The following SHC4 variants were observed in gnomAD, a reference collection of about 807,000 sequenced individuals.
SHC4 encodes the protein SHC adaptor protein 4.
Under a neutral mutation model 69.4 loss-of-function variants are expected in SHC4, and 41 were observed. That is an observed-to-expected ratio of 0.59 (90% CI 0.46 to 0.77). SHC4 has a LOEUF of 0.77. Among genes scored for constraint, SHC4 ranks in the 30% least tolerant of loss-of-function variants. SHC4 has a pLI of 0.00. For missense variants in SHC4, 777 were observed against 783.8 expected, an observed-to-expected ratio of 0.99 and a Z score of 0.10; for synonymous variants, 318 against 299.3, an observed-to-expected ratio of 1.06 and a Z score of -0.64.
chr15:48,868,440 T>A (rs1024341541), intron 5 of SHC4, among the ~76,000 whole-genome samples: 6 of 151,748 alleles, frequency 4.0e-5, no homozygotes, highest in African/African-American at 1.2e-4. Flanking sequence ...AAAATCATTT[T>A]AAAAAAAAGA....
Position 48,962,832 on chromosome 15 carries a change from CG to C in SHC4, c.183del (p.Ala62ProfsTer25), listed in dbSNP as rs1443724041. The C allele has an allele frequency of 7.3e-7, 1 of 1,374,968 alleles. No individual in the cohort carries two copies. Among genetic ancestry groups the C allele is most frequent in the East Asian group, 3.0e-5 (1 of 33,200 alleles). The allele number at this position is 1,374,968 out of a possible 1,614,324, so 85.2% of individuals were successfully genotyped here. On this transcript the variant is annotated frameshift_variant, in exon 1 of 12. Coordinates refer to ENST00000332408, the MANE Select transcript of SHC4 (RefSeq NM_203349.4). LOFTEE classifies it high-confidence loss of function. ...GNKGSPQPPH[P>X]ALAPHLPTED... ...TCAGTCGGCAGGTGAGGTGCCAGGGCGGGGTGGGGAGGCTGCGGCGAGCCCT... is the reference window on the plus strand; with the variant it reads ...TCAGTCGGCAGGTGAGGTGCCAGGGCGGGTGGGGAGGCTGCGGCGAGCCCT...
At chr15:48,924,782 A>C in intron 2 of SHC4, 97 bp downstream of exon 2, 1 of 1,285,140 alleles carries the variant, frequency 7.8e-7, no homozygotes, top group Admixed American at 1.7e-5. Context: ...ATAAAAGTGC[A>C]TAATGAATTG....
At chr15:48,849,136 CT>C (rs1480470077) in intron 9 of SHC4, among the ~76,000 whole-genome samples, 2 of 152,144 alleles carry the variant, frequency 1.3e-5, no homozygotes, top group Non-Finnish European at 2.9e-5. Flanking sequence ...ATCTTTCTCT[CT>C]TTACTTCTGA....
At chr15:48,926,053 G>A (rs1900848140) in intron 1 of SHC4, among the ~76,000 whole-genome samples, 1 of 152,156 alleles carries the variant, frequency 6.6e-6, no homozygotes, top group South Asian at 2.1e-4. Context: ...TGATGAATTG[G>A]TTTGGGAGCT....
chr15:48,825,849 T>C lies in SHC4; in HGVS notation c.*122A>G, dbSNP rs1898678075. On this transcript the variant is annotated 3_prime_UTR_variant, in exon 12 of 12. Transcript: ENST00000332408. ...ATAGAGGACCTGGTCCATGATGGTC[T>C]TGGAAAGATGCACTTCACAGTTTGT... 8.1e-7 allele frequency: 1 copy of C among 1,228,698 alleles called. No homozygotes were observed. Among genetic ancestry groups the C allele is most frequent in the South Asian group, 1.6e-5 (1 of 64,034 alleles). The allele number at this position is 1,228,698 out of a possible 1,614,324, so 76.1% of individuals were successfully genotyped here.
At chr15:48,954,706 G>C (rs2141041258) in intron 1 of SHC4, among the ~76,000 whole-genome samples, 1 of 152,316 alleles carries the variant, frequency 6.6e-6, no homozygotes, top group Non-Finnish European at 1.5e-5. Context: ...CTGGCCGGGA[G>C]AAAGTATGCC....
At chr15:48,904,939 CA>C (rs1367662341) in intron 2 of SHC4, among the ~76,000 whole-genome samples, 2 of 117,262 alleles carry the variant, frequency 1.7e-5, no homozygotes, top group Non-Finnish European at 3.6e-5. Flanking sequence ...CACACAGACA[CA>C]ACACACACAC....
chr15:48,856,652 T>C (rs904379434), intron 7 of SHC4, among the ~76,000 whole-genome samples: 1 of 151,854 alleles, frequency 6.6e-6, no homozygotes, highest in Non-Finnish European at 1.5e-5. Flanking sequence ...ACAGAAATAT[T>C]AGAACCATAT....
intron 1 of SHC4, among the ~76,000 whole-genome samples, chr15:48,931,947 C>A (rs1439296910): frequency 6.6e-6 from 1 of 151,554 alleles, no homozygotes; most frequent in Non-Finnish European, 1.5e-5. Flanking sequence ...TCCATAAATG[C>A]AAACAGAAAC....
chr15:48,864,694 G>A (rs1022765377), intron 6 of SHC4, among the ~76,000 whole-genome samples: 6 of 151,836 alleles, frequency 4.0e-5, no homozygotes, highest in Admixed American at 6.6e-5. Flanking sequence ...TGATCTGCCC[G>A]CCTCGGCCTC....
chr15:48,880,251 G>A (rs1405638773), intron 4 of SHC4: 1 of 166,624 alleles, frequency 6.0e-6, no homozygotes, highest in South Asian at 2.1e-4. Context: ...ATAGGACTGT[G>A]ACAAGGCTGA....
At chr15:48,903,680 C>A (rs1220598864) in intron 2 of SHC4, among the ~76,000 whole-genome samples, 2 of 152,174 alleles carry the variant, frequency 1.3e-5, no homozygotes, top group East Asian at 3.8e-4. Context: ...GCATTAGCAT[C>A]GCCTGGAACT....
chr15:48,840,923 A>G (rs946579691), intron 10 of SHC4, among the ~76,000 whole-genome samples: 1 of 152,214 alleles, frequency 6.6e-6, no homozygotes, highest in Admixed American at 6.5e-5. Context: ...GAGAAAGGTG[A>G]GGAAAAAAGG....
At chr15:48,925,230 G>C (rs1310738696) in intron 1 of SHC4, among the ~76,000 whole-genome samples, 1 of 152,222 alleles carries the variant, frequency 6.6e-6, no homozygotes, top group Non-Finnish European at 1.5e-5. Context: ...TCTGGGGCCA[G>C]ATCATGTGAA....
chr15:48,846,157 C>G (rs1017457718), intron 9 of SHC4, among the ~76,000 whole-genome samples: 2 of 152,108 alleles, frequency 1.3e-5, no homozygotes, highest in Admixed American at 6.5e-5. Flanking sequence ...AGCTACCGGG[C>G]CTGGCTAGAA....
intron 2 of SHC4, among the ~76,000 whole-genome samples, chr15:48,923,926 C>T (rs1900798483): frequency 6.6e-6 from 1 of 152,128 alleles, no homozygotes; most frequent in African/African-American, 2.4e-5. Flanking sequence ...CAAGCGTGAG[C>T]CACTGCACCA....
intron 4 of SHC4, chr15:48,878,714 T>C (rs748867491): frequency 6.2e-7 from 1 of 1,613,818 alleles, no homozygotes; most frequent in Non-Finnish European, 8.5e-7. Context: ...AGAACTCGGC[T>C]GTGATGAGAT....
At chr15:48,955,262 C>T (rs760917611) in intron 1 of SHC4, among the ~76,000 whole-genome samples, 10 of 152,110 alleles carry the variant, frequency 6.6e-5, no homozygotes, top group South Asian at 6.2e-4. Flanking sequence ...TCCAATACCA[C>T]GGGTGGGTGT....
At chr15:48,875,412 T>C (rs1179374727) in intron 4 of SHC4, among the ~76,000 whole-genome samples, 1 of 152,228 alleles carries the variant, frequency 6.6e-6, no homozygotes, top group Non-Finnish European at 1.5e-5. Context: ...TCCTTTACTA[T>C]TGATGAAGAG....
Sources: gnomAD v4.1 joint callset for allele counts (sites outside exome capture counted in the v4.1 genomes callset) on GRCh38, gnomAD v4.1.1 for gene constraint, MANE v1.5 for transcripts, NCBI Gene and HGNC (gene_info 2026-07-23, HGNC 2026-07-21) for gene names.